Variants in SLIT3 observed in about 807,000 individuals in gnomAD.
The protein encoded by SLIT3 is slit homolog 3 protein.
SLIT3 carries 68 observed loss-of-function variants against 184.0 expected under a neutral mutation model. The observed-to-expected ratio is 0.37, with a 90% CI of 0.30 to 0.45. The LOEUF (loss-of-function observed/expected upper bound fraction) is 0.45. Among genes scored for constraint, SLIT3 ranks in the 20% least tolerant of loss-of-function variants. The pLI is 1.00. For missense variants in SLIT3, 1,707 were observed against 2,026.0 expected, an observed-to-expected ratio of 0.84 and a Z score of 3.02; for synonymous variants, 831 against 828.6, an observed-to-expected ratio of 1.00 and a Z score of -0.05.
At chr5:168,861,270 C>A (rs1408217785) in intron 5 of SLIT3, among the ~76,000 whole-genome samples, 1 of 151,822 alleles carries the variant, frequency 6.6e-6, no homozygotes, top group African/African-American at 2.4e-5. Flanking sequence ...CCCCATCCCA[C>A]GACAGGCCCC....
intron 4 of SLIT3, among the ~76,000 whole-genome samples, chr5:169,105,857 T>C (rs759119060): frequency 7.2e-5 from 11 of 152,194 alleles, no homozygotes; most frequent in Non-Finnish European, 1.5e-4. Context: ...CAGTCTACCA[T>C]TGATGGGCAC....
chr5:169,128,296 T>A (rs1026745586), intron 4 of SLIT3, among the ~76,000 whole-genome samples: 1 of 148,618 alleles, frequency 6.7e-6, no homozygotes, highest in Non-Finnish European at 1.5e-5. Flanking sequence ...ATATAATTTA[T>A]ATGTGTGCAT....
intron 8 of SLIT3, among the ~76,000 whole-genome samples, chr5:168,816,192 A>AT (rs1272378731): frequency 6.6e-6 from 1 of 152,030 alleles, no homozygotes; most frequent in Admixed American, 6.6e-5. Context: ...TCTTTTATTT[A>AT]TTTTTTTAAT....
chr5:169,254,229 A>G (rs1765872659), intron 1 of SLIT3, among the ~76,000 whole-genome samples: 1 of 152,220 alleles, frequency 6.6e-6, no homozygotes, highest in African/African-American at 2.4e-5. Context: ...ACACGCGGTT[A>G]GAAATGGGAA....
At chr5:168,882,927 C>T (rs1294389354) in intron 5 of SLIT3, among the ~76,000 whole-genome samples, 1 of 152,150 alleles carries the variant, frequency 6.6e-6, no homozygotes, top group Non-Finnish European at 1.5e-5. Flanking sequence ...CTCAGTTGCA[C>T]AAAACATGCC....
intron 4 of SLIT3, among the ~76,000 whole-genome samples, chr5:169,002,130 A>G (rs1755724166): frequency 6.6e-6 from 1 of 151,984 alleles, no homozygotes; most frequent in Admixed American, 6.6e-5. Context: ...CCTGGTGAAC[A>G]TGGTGAAACC....
intron 30 of SLIT3, 67 bp downstream of exon 30, chr5:168,686,912 C>A: frequency 6.3e-7 from 1 of 1,581,090 alleles, no homozygotes; most frequent in South Asian, 1.1e-5. Flanking sequence ...GCCACCTTAG[C>A]CAGTCAGCCC....
intron 3 of SLIT3, among the ~76,000 whole-genome samples, chr5:169,212,560 T>A (rs1764301460): frequency 6.6e-6 from 1 of 152,218 alleles, no homozygotes; most frequent in Non-Finnish European, 1.5e-5. Context: ...TCTCCCATTC[T>A]GTAGGTTGCC....
intron 4 of SLIT3, among the ~76,000 whole-genome samples, chr5:168,998,742 A>ACAAAACAAAACAAAACAAAAGAAAT (rs771607843): frequency 6.6e-4 from 100 of 152,016 alleles, no homozygotes; most frequent in Middle Eastern, 3.4e-3. Flanking sequence ...ACAAAACAAA[A>ACAAAACAAAACAAAACAAAAGAAAT]GGCCATTGAA....
Position 168,930,808 on chromosome 5 carries a change from G to C in SLIT3, c.414-47472C>G, listed in dbSNP as rs115115849. ...GAAACTCTCAAACCAGCAGCCCCCC[G>C]AGAGGCCTGATCCACCCAGGACACT... is the stretch of plus-strand genomic sequence containing the variant. On this transcript the variant is annotated intron_variant, in intron 4 of 35. Transcript: ENST00000519560. Among the ~76,000 whole-genome samples the C allele has an allele frequency of 9.6e-3, 1,454 of 152,054 alleles. 20 individuals are homozygous for C. The highest frequency in any genetic ancestry group is 0.033 in the African/African-American group (1,380 of 41,474).
intron 4 of SLIT3, chr5:168,992,910 C>T (rs1755380066): frequency 6.6e-6 from 1 of 152,128 alleles, no homozygotes; most frequent in South Asian, 2.1e-4. Context: ...TAGAAAATGC[C>T]AGTGGGTGTT....
At chr5:168,868,747 CAAAAA>C (rs375837097) in intron 5 of SLIT3, among the ~76,000 whole-genome samples, 31 of 69,320 alleles carry the variant, frequency 4.5e-4, no homozygotes, top group African/African-American at 1.5e-3. Context: ...GAATCTGCCT[CAAAAA>C]AAAAAAAAAA....
chr5:169,007,788 CT>C (rs1434641575), intron 4 of SLIT3, among the ~76,000 whole-genome samples: 1 of 152,144 alleles, frequency 6.6e-6, no homozygotes, highest in African/African-American at 2.4e-5. Flanking sequence ...ACATACACAC[CT>C]TTTGCCTTTT....
intron 4 of SLIT3, among the ~76,000 whole-genome samples, chr5:169,067,599 A>G (rs1459763866): frequency 6.6e-6 from 1 of 152,194 alleles, no homozygotes; most frequent in African/African-American, 2.4e-5. Context: ...TTTGCAGCTC[A>G]TAAACCTCCT....
At chr5:169,071,277 C>A (rs1401483936) in intron 4 of SLIT3, among the ~76,000 whole-genome samples, 1 of 152,170 alleles carries the variant, frequency 6.6e-6, no homozygotes, top group African/African-American at 2.4e-5. Context: ...GAACACAAAA[C>A]CAGGGACTAT....
In SLIT3 at chr5:168,968,103, T is replaced by A. The variant is rs181834628; in HGVS notation, c.414-84767A>T. On this transcript the variant is annotated intron_variant, in intron 4 of 35. Coordinates refer to ENST00000519560, the MANE Select transcript of SLIT3 (RefSeq NM_003062.4). ...CCCTGAACATAAAGATTAAGAATGA[T>A]TTATCTCTCCCCTCCCATTAAATAT... Among the ~76,000 whole-genome samples, 91 of 152,266 alleles carry A rather than the reference T, an allele frequency of 6.0e-4. 1 individual carries two copies. The highest frequency in any genetic ancestry group is 5.7e-4 in the Non-Finnish European group (39 of 68,024).
intron 4 of SLIT3, among the ~76,000 whole-genome samples, chr5:169,185,703 A>G (rs1342664358): frequency 6.6e-6 from 1 of 152,230 alleles, no homozygotes; most frequent in Non-Finnish European, 1.5e-5. Flanking sequence ...AGCAGAAAGC[A>G]CTACCTAGAG....
At chr5:168,981,093 G>A (rs1754929916) in intron 4 of SLIT3, among the ~76,000 whole-genome samples, 1 of 152,096 alleles carries the variant, frequency 6.6e-6, no homozygotes, top group Admixed American at 6.5e-5. Flanking sequence ...TAAAAGCATT[G>A]AAAATATTCA....
intron 3 of SLIT3, among the ~76,000 whole-genome samples, chr5:169,212,859 T>C (rs947784116): frequency 6.6e-6 from 1 of 152,236 alleles, no homozygotes; most frequent in African/African-American, 2.4e-5. Flanking sequence ...GTTTTCTGCA[T>C]ATGGCTAGCC....
Sources: gnomAD v4.1 joint callset for allele counts (sites outside exome capture counted in the v4.1 genomes callset) on GRCh38, gnomAD v4.1.1 for gene constraint, MANE v1.5 for transcripts, NCBI Gene and HGNC (gene_info 2026-07-23, HGNC 2026-07-21) for gene names.